Variants in CDCA7L observed in about 807,000 individuals in gnomAD.
CDCA7L encodes the protein cell division cycle associated 7 like, also known as cell division cycle-associated 7-like protein.
A neutral mutation model predicts 57.4 loss-of-function variants in CDCA7L; 44 were observed. The observed-to-expected ratio is 0.77, with a 90% CI of 0.60 to 0.98. The LOEUF is 0.98. Ranked by LOEUF, CDCA7L falls within the 50% of genes least tolerant of loss-of-function variation. The pLI, the probability that CDCA7L is intolerant of heterozygous loss-of-function variation, is 0.00. For missense variants in CDCA7L, 644 were observed against 580.6 expected, an observed-to-expected ratio of 1.11 and a Z score of -1.12; for synonymous variants, 236 against 202.8, an observed-to-expected ratio of 1.16 and a Z score of -1.39.
chr7:21,936,399 G>A (rs1306361229), intron 1 of CDCA7L, among the ~76,000 whole-genome samples: 2 of 152,108 alleles, frequency 1.3e-5, no homozygotes, highest in African/African-American at 2.4e-5. Context: ...TATCTCTTAC[G>A]AATACTGATA....
At chr7:21,921,601 T>A (rs1374295144) in intron 1 of CDCA7L, among the ~76,000 whole-genome samples, 2 of 151,846 alleles carry the variant, frequency 1.3e-5, no homozygotes, top group East Asian at 3.9e-4. Flanking sequence ...ACCTTTTTTT[T>A]TTTTTTTCAA....
At chr7:21,916,697 C>T in intron 2 of CDCA7L, 57 bp downstream of exon 2, 1 of 1,550,322 alleles carries the variant, frequency 6.5e-7, no homozygotes, top group Non-Finnish European at 8.9e-7. Context: ...AAAGAACATC[C>T]AAACCAAGAT....
chr7:21,940,065 G>A (rs571699501), intron 1 of CDCA7L, among the ~76,000 whole-genome samples: 2 of 152,158 alleles, frequency 1.3e-5, no homozygotes, highest in African/African-American at 4.8e-5. Context: ...ACCAGAACCT[G>A]GGCTGATAGA....
intron 7 of CDCA7L, among the ~76,000 whole-genome samples, chr7:21,905,144 T>C (rs1785097983): frequency 6.6e-6 from 1 of 152,214 alleles, no homozygotes; most frequent in Non-Finnish European, 1.5e-5. Context: ...ACCAAAGATA[T>C]TCTGCCAAAC....
At chr7:21,916,615 C>A in intron 2 of CDCA7L, 139 bp downstream of exon 2, 1 of 746,822 alleles carries the variant, frequency 1.3e-6, no homozygotes, top group Non-Finnish European at 2.1e-6. Flanking sequence ...CAGGAAGACA[C>A]AGACATAATG....
chr7:21,944,366 G>A (rs1371385961), intron 1 of CDCA7L, among the ~76,000 whole-genome samples: 1 of 141,610 alleles, frequency 7.1e-6, no homozygotes, highest in East Asian at 2.2e-4. Flanking sequence ...CAGGAAAATT[G>A]CTTGAACCCG....
intron 1 of CDCA7L, among the ~76,000 whole-genome samples, chr7:21,945,432 T>G (rs1224080210): frequency 6.8e-6 from 1 of 146,608 alleles, no homozygotes; most frequent in Non-Finnish European, 1.5e-5. Flanking sequence ...GTGTGGGGAG[T>G]GCACAAAAAA....
At chr7:21,911,179 G>A (rs899179071) in intron 3 of CDCA7L, among the ~76,000 whole-genome samples, 17 of 151,600 alleles carry the variant, frequency 1.1e-4, no homozygotes, top group South Asian at 4.2e-4. Flanking sequence ...ACAGGTGCCC[G>A]CCACCACGCC....
rs1784948726 is a variant in CDCA7L at position 21,902,498 on chromosome 7, TATCCGTATACCCTC to T, written c.1335-160_1335-147del. 53 of 761,240 alleles carry T rather than the reference TATCCGTATACCCTC, an allele frequency of 7.0e-5. 3 individuals carry two copies. The South Asian group carries it at 7.8e-4, about 11-fold the overall frequency. 47.2% of individuals were successfully genotyped at this position (761,240 alleles called of 1,614,324 possible). On this transcript the variant is annotated intron_variant, in intron 9 of 9. Coordinates refer to ENST00000406877, the MANE Select transcript of CDCA7L (RefSeq NM_018719.5). ...GAAATCCTGACAATTTATGCATCAATATCCGTATACCCTCTGGTGTAGTACGCCCCAAGCATGAC... is the reference window on the plus strand; with the variant it reads ...GAAATCCTGACAATTTATGCATCAATTGGTGTAGTACGCCCCAAGCATGAC...
chr7:21,909,732 CCATCCT>C (rs1785254410), intron 3 of CDCA7L, among the ~76,000 whole-genome samples: 1 of 152,174 alleles, frequency 6.6e-6, no homozygotes, highest in Non-Finnish European at 1.5e-5. Context: ...CATTTATCTA[CCATCCT>C]CATCATCGAC....
chr7:21,901,139 C>G lies in CDCA7L; in HGVS notation c.*1183G>C. Reference sequence around the variant, plus strand: ...GAAACCAAACAGACCTACGAGTGCCCTGTGTATAGAACCAAACTGAGAGGC... The same window carrying G: ...GAAACCAAACAGACCTACGAGTGCCGTGTGTATAGAACCAAACTGAGAGGC... On this transcript the variant is annotated 3_prime_UTR_variant, in exon 10 of 10. Transcript: ENST00000406877. 1.2e-6 allele frequency: 2 copies of G among 1,613,264 alleles called. No individual in the cohort carries two copies. The highest frequency in any genetic ancestry group is 1.7e-6 in the Non-Finnish European group (2 of 1,179,370).
chr7:21,908,024 A>C lies in CDCA7L; in HGVS notation c.681+106T>G, dbSNP rs548257728. 89 of 1,269,142 alleles carry C rather than the reference A, an allele frequency of 7.0e-5. 3 individuals are homozygous for C. The East Asian group carries it at 1.4e-3, about 20-fold the overall frequency. 78.6% of individuals were successfully genotyped at this position (1,269,142 alleles called of 1,614,324 possible). A position where few individuals can be genotyped will look rare whatever the true frequency, so the allele number is the denominator to read the frequency against. On this transcript the variant is annotated intron_variant, in intron 4 of 9. Transcript: ENST00000406877. ...ACCCAGAGTATATTTTCTTGACAGA[A>C]GCCAAAGCAACAGCAGCAGCTGTAG...
Position 21,903,512 on chromosome 7 carries a change from A to AGTTT in CDCA7L, c.1198-402_1198-399dup, listed in dbSNP as rs1044411188. Among the ~76,000 whole-genome samples, 8 of 152,256 alleles carry AGTTT rather than the reference A, an allele frequency of 5.3e-5. No homozygotes were observed. In the East Asian group the frequency reaches 5.8e-4, roughly 11 times the overall value. ...TTGTTGAATGACTAACCTGAGCAGC[A>AGTTT]GTTTGTTTGTCTGTCAGTTGAGGAC... On this transcript the variant is annotated intron_variant, in intron 8 of 9. Transcript: ENST00000406877.
At position 21,901,445 on chromosome 7, in the gene CDCA7L, CACGACTGTAATCCCAGTTACTCA is replaced by C; in HGVS notation, c.*854_*876del. On this transcript the variant is annotated 3_prime_UTR_variant, in exon 10 of 10. Coordinates refer to ENST00000406877, the MANE Select transcript of CDCA7L (RefSeq NM_018719.5). The stretch of plus-strand genomic sequence containing the variant: ...TAACTCAGGGCTGAGCGTGGTGGCA[CACGACTGTAATCCCAGTTACTCA>C]GGAGGTAGGAGAATCACTTGAACCT... The C allele has an allele frequency of 1.4e-6, 1 of 705,532 alleles. No individual in the cohort carries two copies. The highest frequency in any genetic ancestry group is 2.0e-6 in the Non-Finnish European group (1 of 500,916). 43.7% of individuals were successfully genotyped at this position (705,532 alleles called of 1,614,324 possible). A position where few individuals can be genotyped will look rare whatever the true frequency, so the allele number is the denominator to read the frequency against.
At chr7:21,928,732 A>G (rs1247641625) in intron 1 of CDCA7L, among the ~76,000 whole-genome samples, 52 of 152,102 alleles carry the variant, frequency 3.4e-4, no homozygotes, top group Non-Finnish European at 7.4e-5. Flanking sequence ...AATGAAATAA[A>G]GCATGAAGAG....
intron 1 of CDCA7L, among the ~76,000 whole-genome samples, chr7:21,934,990 C>G (rs1300614008): frequency 6.6e-6 from 1 of 152,168 alleles, no homozygotes; most frequent in African/African-American, 2.4e-5. Context: ...ACCCCACTTT[C>G]AACAGTGAAC....
chr7:21,926,744 A>G (rs1785842607), intron 1 of CDCA7L, among the ~76,000 whole-genome samples: 1 of 152,176 alleles, frequency 6.6e-6, no homozygotes, highest in South Asian at 2.1e-4. Context: ...ATGATGGCAC[A>G]TGCCTGTAGT....
Position 21,901,037 on chromosome 7 carries a change from T to C in CDCA7L, c.*1285A>G, listed in dbSNP as rs1287042608. 3 of 1,611,208 alleles carry C rather than the reference T, an allele frequency of 1.9e-6. No homozygotes were observed. The highest frequency in any genetic ancestry group is 2.5e-6 in the Non-Finnish European group (3 of 1,178,518). Reference sequence around the variant, plus strand: ...CGCTGGGACACCCAAGCAGGAACCATTGTTGAAGCCCGTCTCAAGGAGCTG... The same window carrying C: ...CGCTGGGACACCCAAGCAGGAACCACTGTTGAAGCCCGTCTCAAGGAGCTG... On this transcript the variant is annotated 3_prime_UTR_variant, in exon 10 of 10. Transcript: ENST00000406877.
At chr7:21,916,504 TC>T (rs1785484386) in intron 2 of CDCA7L, among the ~76,000 whole-genome samples, 1 of 98,056 alleles carries the variant, frequency 1.0e-5, no homozygotes, top group Non-Finnish European at 1.9e-5. Flanking sequence ...TCATGTGAGG[TC>T]CCTTTATTTA....
Sources: allele counts gnomAD v4.1 joint callset (sites outside exome capture counted in the v4.1 genomes callset), GRCh38; gene constraint gnomAD v4.1.1; transcripts MANE v1.5; gene names NCBI Gene and HGNC (gene_info 2026-07-23, HGNC 2026-07-21).